Variants in NRG3 observed in about 807,000 individuals in gnomAD.
NRG3 encodes the protein pro-neuregulin-3, membrane-bound isoform.
Under a neutral mutation model 66.9 loss-of-function variants are expected in NRG3, and 31 were observed. The observed-to-expected ratio is 0.46, with a 90% confidence interval of 0.35 to 0.63. The LOEUF is 0.63. NRG3 is among the 20% of genes least tolerant of loss of function. NRG3 has a pLI of 0.00. For synonymous variants in NRG3, 393 were observed against 359.4 expected (o/e 1.09, Z -1.06); for missense variants, 910 against 878.9 (o/e 1.04, Z -0.45).
chr10:82,527,857 C>G (rs1180623798), intron 2 of NRG3, among the ~76,000 whole-genome samples: 2 of 146,474 alleles, frequency 1.4e-5, no homozygotes, highest in Admixed American at 1.4e-4. Context: ...CCTGTGGTAG[C>G]AGTTTTATAC....
chr10:82,549,890 A>G (rs2044188088), intron 2 of NRG3, among the ~76,000 whole-genome samples: 1 of 152,108 alleles, frequency 6.6e-6, no homozygotes, highest in South Asian at 2.1e-4. Flanking sequence ...AATACCGGTC[A>G]CCATTTTCTG....
intron 2 of NRG3, among the ~76,000 whole-genome samples, chr10:82,655,742 A>G (rs779989076): frequency 2.0e-5 from 3 of 152,196 alleles, no homozygotes; most frequent in Non-Finnish European, 4.4e-5. Flanking sequence ...CATCACTAAG[A>G]ACTAGATCAA....
rs547571152 is a variant in NRG3, at chr10:82,101,980, T to C, written c.823+225817T>C. Among the ~76,000 whole-genome samples the C allele has an allele frequency of 9.5e-5, 14 of 147,190 alleles. No homozygotes were observed. The East Asian group carries it at 2.7e-3, about 28-fold the overall frequency. ...AGTTCTATCAGTTTTTGTCTTATTT[T>C]ACAGTTCTGTATATATGTGTGCGTA... On this transcript the variant is annotated intron_variant, in intron 1 of 8. Coordinates refer to ENST00000372141, the MANE Select transcript of NRG3 (RefSeq NM_001010848.4).
intron 1 of NRG3, among the ~76,000 whole-genome samples, chr10:82,281,758 G>A (rs1383612885): frequency 1.3e-5 from 2 of 152,108 alleles, no homozygotes. Context: ...GAGAGAGTGT[G>A]CCCTGGCAGC....
intron 1 of NRG3, among the ~76,000 whole-genome samples, chr10:82,347,092 T>G (rs866423639): frequency 0.013 from 1,960 of 150,354 alleles, 13 homozygotes; most frequent in Middle Eastern, 0.062. Flanking sequence ...TTTTAGTTAT[T>G]TCTTGCCTTC....
rs531891051 is a variant in NRG3 at position 82,351,023 on chromosome 10, C to G, written c.824-7716C>G. On this transcript the variant is annotated intron_variant, in intron 1 of 8. Transcript: ENST00000372141. ...TCTCCTGCCTCAGCCTCCCAAGTAG[C>G]TGGGACTACAGGCGCCCGCCACCAT... Among the ~76,000 whole-genome samples the G allele has an allele frequency of 6.6e-5, 10 of 152,158 alleles. No individual in the cohort carries two copies. In the South Asian group the frequency reaches 1.7e-3, roughly 25 times the overall value.
intron 3 of NRG3, among the ~76,000 whole-genome samples, chr10:82,805,213 C>T (rs931672384): frequency 4.6e-5 from 7 of 152,112 alleles, no homozygotes; most frequent in Admixed American, 2.0e-4. Context: ...AGTCTTGGGT[C>T]CTTGCTAATA....
At chr10:82,348,144 T>C (rs2083160655) in intron 1 of NRG3, among the ~76,000 whole-genome samples, 1 of 152,190 alleles carries the variant, frequency 6.6e-6, no homozygotes, top group African/African-American at 2.4e-5. Flanking sequence ...CGTTAGTTGA[T>C]GCAGTTTCTT....
chr10:82,295,096 T>A (rs563246213), intron 1 of NRG3, among the ~76,000 whole-genome samples: 2 of 152,306 alleles, frequency 1.3e-5, no homozygotes, highest in Admixed American at 6.5e-5. Flanking sequence ...AACCTGTTTA[T>A]GACTAATGTT....
intron 1 of NRG3, among the ~76,000 whole-genome samples, chr10:82,091,396 G>C (rs1484875336): frequency 6.6e-6 from 1 of 152,138 alleles, no homozygotes; most frequent in Non-Finnish European, 1.5e-5. Flanking sequence ...GTTTTAGGTA[G>C]CTCATGTAAG....
At chr10:81,897,751 A>G (rs924753038) in intron 1 of NRG3, among the ~76,000 whole-genome samples, 2 of 152,156 alleles carry the variant, frequency 1.3e-5, no homozygotes, top group African/African-American at 4.8e-5. Flanking sequence ...AACAAATGAT[A>G]TTTAAAAGGG....
chr10:82,464,555 G>A (rs1042821186), intron 2 of NRG3, among the ~76,000 whole-genome samples: 10 of 152,182 alleles, frequency 6.6e-5, no homozygotes, highest in Non-Finnish European at 1.5e-4. Context: ...AAAGTGCCCG[G>A]CCCTGGGGTG....
At chr10:82,515,045 T>C (rs1345672305) in intron 2 of NRG3, among the ~76,000 whole-genome samples, 1 of 152,168 alleles carries the variant, frequency 6.6e-6, no homozygotes, top group African/African-American at 2.4e-5. Context: ...CCTCTGCTGC[T>C]CCACATATGC....
At chr10:82,951,660 AGGGAAC>A in intron 5 of NRG3, 89 bp downstream of exon 5, 15 of 1,118,842 alleles carry the variant, frequency 1.3e-5, no homozygotes, top group Non-Finnish European at 1.6e-5. Context: ...TGCCACACAG[AGGGAAC>A]CTGTGGAAAT....
At chr10:82,599,802 G>A (rs1435979971) in intron 2 of NRG3, among the ~76,000 whole-genome samples, 1 of 152,150 alleles carries the variant, frequency 6.6e-6, no homozygotes, top group Non-Finnish European at 1.5e-5. Flanking sequence ...CGGCTTCAGG[G>A]AGAGATTGTC....
At chr10:82,545,780 ACT>A (rs1236727234) in intron 2 of NRG3, among the ~76,000 whole-genome samples, 9 of 129,646 alleles carry the variant, frequency 6.9e-5, no homozygotes, top group Non-Finnish European at 1.4e-4. Flanking sequence ...TATAATATCA[ACT>A]CTTTTTTTTT....
intron 1 of NRG3, among the ~76,000 whole-genome samples, chr10:82,016,244 T>C (rs1473836655): frequency 6.6e-6 from 1 of 152,038 alleles, no homozygotes; most frequent in Non-Finnish European, 1.5e-5. Context: ...TGGAAGCCCA[T>C]AGAATGTGCT....
chr10:82,338,999 T>C (rs2082537630), intron 1 of NRG3, among the ~76,000 whole-genome samples: 1 of 152,196 alleles, frequency 6.6e-6, no homozygotes, highest in Non-Finnish European at 1.5e-5. Flanking sequence ...AACACTGCCA[T>C]GAAGAAGATG....
At chr10:81,885,263 T>C (rs1394757288) in intron 1 of NRG3, among the ~76,000 whole-genome samples, 1 of 152,184 alleles carries the variant, frequency 6.6e-6, no homozygotes, top group African/African-American at 2.4e-5. Flanking sequence ...GTGACTGCAG[T>C]GTATGCTGAG....
Sources: gnomAD v4.1 joint callset for allele counts (sites outside exome capture counted in the v4.1 genomes callset) on GRCh38, gnomAD v4.1.1 for gene constraint, MANE v1.5 for transcripts, NCBI Gene and HGNC (gene_info 2026-07-23, HGNC 2026-07-21) for gene names.